Variants in ADGRE2 observed in about 807,000 individuals in gnomAD.
The protein encoded by ADGRE2 is CD97 antigen.
ADGRE2 carries 83 observed loss-of-function variants against 100.8 expected under a neutral mutation model. The ratio of observed to expected loss-of-function variants is 0.82; its 90% CI spans 0.69 to 0.99. The LOEUF is 0.99. ADGRE2 is among the 50% of genes least tolerant of loss of function. The pLI, the probability that ADGRE2 is intolerant of heterozygous loss-of-function variation, is 0.00. For missense variants in ADGRE2, 814 were observed against 1,035.7 expected (o/e 0.79, Z 2.94); for synonymous variants, 355 against 413.0 (o/e 0.86, Z 1.70).
intron 10 of ADGRE2, among the ~76,000 whole-genome samples, chr19:14,764,971 C>G (rs1019209891): frequency 1.3e-5 from 2 of 151,978 alleles, no homozygotes; most frequent in Non-Finnish European, 2.9e-5. Flanking sequence ...GAGCTGAGAT[C>G]GGGCCACTAA....
At chr19:14,753,278 G>A (rs921439047) in intron 14 of ADGRE2, among the ~76,000 whole-genome samples, 4 of 151,988 alleles carry the variant, frequency 2.6e-5, no homozygotes, top group Non-Finnish European at 5.9e-5. Context: ...TGTCCAGCAG[G>A]AGACTTGTGG....
chr19:14,745,250 A>C (rs1331153665), intron 18 of ADGRE2, among the ~76,000 whole-genome samples: 2 of 152,126 alleles, frequency 1.3e-5, no homozygotes, highest in Admixed American at 1.3e-4. Flanking sequence ...CAAAAGTCCA[A>C]AGAAGTTTTT....
chr19:14,732,881 T>C lies in ADGRE2; in HGVS notation c.*3355A>G, dbSNP rs896178324. ...CTGTTTTCATACCACAGTGGTAGAA[T>C]TGAGTTGCTGTAAATACCTGGCTCA... On this transcript the variant is annotated 3_prime_UTR_variant, in exon 21 of 21. Transcript: ENST00000315576. 6.6e-6 allele frequency: 1 copy of C among 152,230 alleles called. No homozygotes were observed. The highest frequency in any genetic ancestry group is 1.5e-5 in the Non-Finnish European group (1 of 68,050). 9.4% of individuals were successfully genotyped at this position (152,230 alleles called of 1,614,324 possible).
chr19:14,752,723 T>G (rs935491767), intron 14 of ADGRE2, among the ~76,000 whole-genome samples, 197 bp from the exon 15 acceptor site: 1 of 151,988 alleles, frequency 6.6e-6, no homozygotes, highest in Admixed American at 6.6e-5. Flanking sequence ...AATACAGGCG[T>G]AGTCATGTAG....
chr19:14,734,655 G>A lies in ADGRE2; in HGVS notation c.*1581C>T, dbSNP rs2042717681. The A allele has an allele frequency of 6.6e-6, 1 of 152,220 alleles. No individual in the cohort carries two copies. Among genetic ancestry groups the A allele is most frequent in the Non-Finnish European group, 1.5e-5 (1 of 68,058 alleles). The allele number at this position is 152,220 out of a possible 1,614,324, so 9.4% of individuals were successfully genotyped here. Reference sequence around the variant, plus strand: ...TTGACCAGGCTGGTCTTGAACTCCTGACCTTAGGTGATCTGACCACCTCAG... The same window carrying A: ...TTGACCAGGCTGGTCTTGAACTCCTAACCTTAGGTGATCTGACCACCTCAG... On this transcript the variant is annotated 3_prime_UTR_variant, in exon 21 of 21. Transcript: ENST00000315576.
intron 11 of ADGRE2, among the ~76,000 whole-genome samples, chr19:14,757,253 G>T (rs1208821571): frequency 1.3e-5 from 2 of 152,178 alleles, no homozygotes; most frequent in African/African-American, 4.8e-5. Flanking sequence ...GACAGCCTAT[G>T]TTCATGGATT....
rs757876958 is a variant in ADGRE2 at position 14,743,760 on chromosome 19, A to G, written c.2208T>C (p.Ala736=). The change falls in exon 19 of 21, where the codon GCT becomes GCC. Residue 736 remains alanine (A), a synonymous_variant. Transcript: ENST00000315576. ...ACGTGCAGCCCAGGATGAACAGCTG[A>G]GCTGTCGCTTTAAATGCCAGCATCC... The part of the protein sequence containing the change: ...NTRMLAFKAT[A]QLFILGCTWC... The G allele has an allele frequency of 2.5e-6, 4 of 1,614,134 alleles. No individual in the cohort carries two copies. Among genetic ancestry groups the G allele is most frequent in the Non-Finnish European group, 3.4e-6 (4 of 1,180,008 alleles).
chr19:14,758,841 C>G (rs969628641), intron 11 of ADGRE2, among the ~76,000 whole-genome samples: 1 of 138,974 alleles, frequency 7.2e-6, no homozygotes, highest in African/African-American at 2.8e-5. Flanking sequence ...GCCGAGATCG[C>G]GCCCCTGCAC....
In ADGRE2 at chr19:14,738,969, CT is replaced by C. The variant is rs68029679; in HGVS notation, c.2464-2726del. Among the ~76,000 whole-genome samples, 168 of 104,900 alleles carry C rather than the reference CT, an allele frequency of 1.6e-3. 1 individual carries two copies. The highest frequency in any genetic ancestry group is 6.5e-3 in the South Asian group (23 of 3,530). The allele number at this position is 104,900 out of a possible 152,430, so 68.8% of individuals were successfully genotyped here. The stretch of plus-strand genomic sequence containing the variant: ...CACACATTTTCTTTTCTTTTCTTTT[CT>C]TTTTTTTTTTTTTTTTGAGACATAG... On this transcript the variant is annotated intron_variant, in intron 20 of 20. Transcript: ENST00000315576.
chr19:14,754,132 T>C (rs3094743), intron 14 of ADGRE2, among the ~76,000 whole-genome samples: 113,332 of 151,496 alleles, frequency 0.75, 42,891 homozygotes, highest in African/African-American at 0.84. Flanking sequence ...ATCTTTCTCC[T>C]GTGCTGGATG....
At position 14,743,673 on chromosome 19, in the gene ADGRE2, G is replaced by A. The variant is rs752919005; in HGVS notation, c.2295C>T (p.Ile765=). ...TGAAGACACCCTGCAGGCTGTTGAT[G>A]ATGGTGAAGAGGTAGGCCATGACCC... ...AARVMAYLFT[I]INSLQGVFIF... is the part of the protein sequence containing the mutation. The change falls in exon 19 of 21, where the codon ATC becomes ATT. Residue 765 remains isoleucine (I), a synonymous_variant. Transcript: ENST00000315576. 1.8e-5 allele frequency: 29 copies of A among 1,614,078 alleles called. No individual in the cohort carries two copies. Among genetic ancestry groups the A allele is most frequent in the Non-Finnish European group, 2.5e-5 (29 of 1,180,036 alleles).
At position 14,752,470 on chromosome 19, in the gene ADGRE2, C is replaced by G; in HGVS notation, c.1647G>C (p.Leu549=). The stretch of plus-strand genomic sequence containing the variant: ...AAGTGAGGGCCGCCAGGAGGAGGCA[C>G]AGCAGAGAGACGCTCAGCCCCATGT... The part of the protein sequence containing the change: ...ITYMGLSVSL[L]CLLLAALTFL... The change falls in exon 15 of 21, where the codon CTG becomes CTC. Residue 549 remains leucine, a synonymous_variant. Coordinates refer to ENST00000315576, the MANE Select transcript of ADGRE2 (RefSeq NM_013447.4). 1 of 1,614,136 alleles carries G rather than the reference C, an allele frequency of 6.2e-7. No individual in the cohort carries two copies. Among genetic ancestry groups the G allele is most frequent in the South Asian group, 1.1e-5 (1 of 91,084 alleles).
chr19:14,738,590 C>T (rs895012950), intron 20 of ADGRE2, among the ~76,000 whole-genome samples: 1 of 152,112 alleles, frequency 6.6e-6, no homozygotes, highest in Non-Finnish European at 1.5e-5. Context: ...GTTACCCAGG[C>T]TGGTCTTGAA....
chr19:14,752,407 TGAGGTGCTGGTGTTCTG>T lies in ADGRE2; in HGVS notation c.1693_1709del (p.Gln565ThrfsTer21), dbSNP rs375427337. ...GGCAGAGCGAGAGCTGCAGATGCAG[TGAGGTGCTGGTGTTCTG>T]GATGGCTTTACACAGGAGAAAAGTG... On this transcript the variant is annotated frameshift_variant, in exon 15 of 21. Coordinates refer to ENST00000315576, the MANE Select transcript of ADGRE2 (RefSeq NM_013447.4). LOFTEE classifies it high-confidence loss of function. 3.7e-3 allele frequency: 6,030 copies of T among 1,613,850 alleles called. 4 individuals carry two copies. Among genetic ancestry groups the T allele is most frequent in the South Asian group, 7.6e-3 (695 of 91,060 alleles).
Position 14,736,256 on chromosome 19 carries a change from A to G in ADGRE2, c.2464-12T>C. On this transcript the variant is annotated splice_polypyrimidine_tract_variant and intron_variant, in intron 20 of 20. Transcript: ENST00000315576. Reference sequence around the variant, plus strand: ...TTTTTCTAGTTAACCTGAAATATATATATATGTATGTATTTTGTTGTTGAG... The same window carrying G: ...TTTTTCTAGTTAACCTGAAATATATGTATATGTATGTATTTTGTTGTTGAG... The G allele has an allele frequency of 6.6e-7, 1 of 1,522,154 alleles. No individual in the cohort carries two copies. The allele number at this position is 1,522,154 out of a possible 1,614,324, so 94.3% of individuals were successfully genotyped here. A position where few individuals can be genotyped will look rare whatever the true frequency, so the allele number is the denominator to read the frequency against.
At chr19:14,736,328 C>G (rs2042744288) in intron 20 of ADGRE2, 84 bp from the exon 21 acceptor site, 2 of 861,356 alleles carry the variant, frequency 2.3e-6, no homozygotes, top group Non-Finnish European at 3.7e-6. Context: ...ATGGCGCAGC[C>G]TCGACTCACT....
chr19:14,761,817 A>T (rs58895486), intron 11 of ADGRE2, among the ~76,000 whole-genome samples: 5,040 of 152,158 alleles, frequency 0.033, 269 homozygotes, highest in African/African-American at 0.11. Flanking sequence ...TAAACGTCAC[A>T]CCTGTTCCAA....
rs2147279486 is a variant in ADGRE2 at position 14,755,816 on chromosome 19, A to G, written c.1254T>C (p.Pro418=). The G allele has an allele frequency of 6.2e-7, 1 of 1,614,164 alleles. No homozygotes were observed. Among genetic ancestry groups the G allele is most frequent in the Non-Finnish European group, 8.5e-7 (1 of 1,180,022 alleles). Residue 418 remains proline, a synonymous_variant, in exon 13 of 21, where the codon CCT becomes CCC. Coordinates refer to ENST00000315576, the MANE Select transcript of ADGRE2 (RefSeq NM_013447.4). The part of the protein sequence containing the change: ...PGMGKLLAEA[P]LVLEPEKQML... ...TCTGCTTCTCAGGTTCCAGGACCAG[A>G]GGGGCCTCAGCCAGCAACTTGCCCA...
intron 12 of ADGRE2, 112 bp downstream of exon 12, chr19:14,756,126 C>A: frequency 2.2e-6 from 2 of 908,692 alleles, no homozygotes; most frequent in African/African-American, 3.3e-5. Context: ...TACAGCCCCA[C>A]TCCAAACATC....
Sources: allele counts gnomAD v4.1 joint callset (sites outside exome capture counted in the v4.1 genomes callset), GRCh38; gene constraint gnomAD v4.1.1; transcripts MANE v1.5; gene names NCBI Gene and HGNC (gene_info 2026-07-23, HGNC 2026-07-21).